ARB2A: variants seen among roughly 807,000 people sequenced by gnomAD.
ARB2A encodes the protein ARB2 cotranscriptional regulator A, also known as cotranscriptional regulator ARB2A.
chr5:93,827,187 G>A, the ARB2A span, among the ~76,000 whole-genome samples: 4 of 152,222 alleles, frequency 2.6e-5, no homozygotes, highest in Non-Finnish European at 5.9e-5. Context: ...TTCCACAATG[G>A]TTGAACTAGT....
At chr5:93,964,355 T>C in the ARB2A span, 1 of 783,666 alleles carries the variant, frequency 1.3e-6, no homozygotes, top group South Asian at 1.7e-5. Context: ...TTTAAACTTA[T>C]CACAGTCAAC....
At chr5:94,095,312 G>T in the ARB2A span, among the ~76,000 whole-genome samples, 1 of 152,176 alleles carries the variant, frequency 6.6e-6, no homozygotes, top group Non-Finnish European at 1.5e-5. Flanking sequence ...GAGGGCAAAG[G>T]CCAGACTTCT....
the ARB2A span, among the ~76,000 whole-genome samples, chr5:93,788,278 C>T: frequency 7.9e-5 from 12 of 151,936 alleles, no homozygotes; most frequent in Non-Finnish European, 1.6e-4. Context: ...AGTGACAAGA[C>T]GGATGAGTTC....
the ARB2A span, among the ~76,000 whole-genome samples, chr5:94,068,359 G>A: frequency 1.1e-4 from 17 of 152,354 alleles, no homozygotes; most frequent in East Asian, 2.1e-3. Context: ...TGCCAGATCC[G>A]GAGGGGTGGA....
the ARB2A span, among the ~76,000 whole-genome samples, chr5:94,032,447 C>T: frequency 6.6e-6 from 1 of 152,130 alleles, no homozygotes; most frequent in Non-Finnish European, 1.5e-5. Flanking sequence ...AAAATAGACA[C>T]CACGGGAATG....
At chr5:93,862,634 GTA>G in the ARB2A span, 1 of 152,172 alleles carries the variant, frequency 6.6e-6, no homozygotes, top group Non-Finnish European at 1.5e-5. Flanking sequence ...GTGTGTTTGT[GTA>G]TGTGTGTGTG....
the ARB2A span, among the ~76,000 whole-genome samples, chr5:93,788,602 T>C: frequency 2.6e-5 from 4 of 152,202 alleles, no homozygotes; most frequent in African/African-American, 9.6e-5. Context: ...AAAAACTGTT[T>C]TAGCATTTCT....
the ARB2A span, among the ~76,000 whole-genome samples, chr5:93,850,832 GAT>G: frequency 6.6e-6 from 1 of 152,012 alleles, no homozygotes; most frequent in African/African-American, 2.4e-5. Context: ...ATTCCCTCTA[GAT>G]ATGTTTTGTG....
At chr5:94,086,294 TAAC>T in the ARB2A span, among the ~76,000 whole-genome samples, 2 of 152,142 alleles carry the variant, frequency 1.3e-5, no homozygotes, top group East Asian at 1.9e-4. Flanking sequence ...ACACAACACA[TAAC>T]AACATTTTGG....
chr5:93,756,861 C>T, the ARB2A span, among the ~76,000 whole-genome samples: 1 of 152,032 alleles, frequency 6.6e-6, no homozygotes, highest in African/African-American at 2.4e-5. Context: ...AGCAATGGAT[C>T]CAAACCAAGG....
the ARB2A span, chr5:93,865,344 G>A: frequency 4.2e-6 from 4 of 962,816 alleles, no homozygotes; most frequent in South Asian, 1.9e-4. Context: ...GCCTCCCAAA[G>A]TGCTGGGATT....
chr5:93,630,707 G>A, the ARB2A span, among the ~76,000 whole-genome samples: 1 of 151,980 alleles, frequency 6.6e-6, no homozygotes, highest in East Asian at 1.9e-4. Flanking sequence ...AGGCTGAGGT[G>A]GGGTGAATCT....
the ARB2A span, among the ~76,000 whole-genome samples, chr5:93,999,926 A>G: frequency 1.3e-5 from 2 of 152,050 alleles, no homozygotes; most frequent in Admixed American, 6.6e-5. Flanking sequence ...AGCCTGTTCA[A>G]TTTGGCTTTT....
chr5:93,665,528 A>C, the ARB2A span, among the ~76,000 whole-genome samples: 1 of 152,222 alleles, frequency 6.6e-6, no homozygotes, highest in Non-Finnish European at 1.5e-5. Context: ...AAAGACAGAA[A>C]CATTGATGGC....
chr5:93,971,189 G>A, the ARB2A span, among the ~76,000 whole-genome samples: 233 of 152,010 alleles, frequency 1.5e-3, 2 homozygotes, highest in Middle Eastern at 6.8e-3. Flanking sequence ...TAGTAGAGAC[G>A]GGATTTCACC....
the ARB2A span, among the ~76,000 whole-genome samples, chr5:93,770,781 A>C: frequency 2.9e-3 from 444 of 152,156 alleles, 4 homozygotes; most frequent in African/African-American, 9.4e-3. Flanking sequence ...GAACTACAAA[A>C]CACTGCTCAA....
At chr5:93,939,658 A>G in the ARB2A span, among the ~76,000 whole-genome samples, 1 of 152,190 alleles carries the variant, frequency 6.6e-6, no homozygotes, top group South Asian at 2.1e-4. Context: ...TATCATTACC[A>G]CTGTATTACT....
At chr5:93,797,181 C>G in the ARB2A span, among the ~76,000 whole-genome samples, 2 of 152,114 alleles carry the variant, frequency 1.3e-5, no homozygotes, top group Non-Finnish European at 2.9e-5. Flanking sequence ...CATCTGACAG[C>G]TCTGATGCAT....
At chr5:93,824,243 C>A in the ARB2A span, 2 of 1,590,932 alleles carry the variant, frequency 1.3e-6, no homozygotes, top group Non-Finnish European at 1.7e-6. Flanking sequence ...ACATAGATTG[C>A]ATGTTCTTCA....
Sources: allele counts gnomAD v4.1 joint callset (sites outside exome capture counted in the v4.1 genomes callset), GRCh38; gene constraint gnomAD v4.1.1; transcripts MANE v1.5; gene names NCBI Gene and HGNC (gene_info 2026-07-23, HGNC 2026-07-21).